The following WEE2 variants were observed in gnomAD, a reference collection of about 807,000 sequenced individuals.
The protein encoded by WEE2 is WEE2 oocyte meiosis inhibiting kinase, also known as wee1-like protein kinase 2.
In WEE2, 50 loss-of-function variants were observed where a neutral mutation model predicts 60.1. That is an observed-to-expected ratio of 0.83 (90% CI 0.66 to 1.05). WEE2 has a LOEUF of 1.05. WEE2 is among the 50% of genes least tolerant of loss of function. WEE2 has a pLI of 0.00. For synonymous variants in WEE2, 240 were observed against 241.0 expected (o/e 1.00, Z 0.04); for missense variants, 631 against 684.3 (o/e 0.92, Z 0.87).
intron 7 of WEE2, 57 bp from the exon 8 acceptor site, chr7:141,724,133 A>T: frequency 6.3e-7 from 1 of 1,582,350 alleles, no homozygotes. Context: ...TAAGAAAGAC[A>T]TGCTTTTAAA....
Position 141,709,952 on chromosome 7 carries a change from C to G in WEE2, c.342+852C>G, listed in dbSNP as rs140416200. Among the ~76,000 whole-genome samples the G allele has an allele frequency of 5.4e-3, 827 of 152,262 alleles. 6 individuals are homozygous for G. The highest frequency in any genetic ancestry group is 0.017 in the African/African-American group (692 of 41,534). On this transcript the variant is annotated intron_variant, in intron 1 of 11. Coordinates refer to ENST00000397541, the MANE Select transcript of WEE2 (RefSeq NM_001105558.1). ...TTCAGCCTGAGGCACTTAAGATCATCATAATAACATCTGTGATCCTGACTG... is the reference window on the plus strand; with the variant it reads ...TTCAGCCTGAGGCACTTAAGATCATGATAATAACATCTGTGATCCTGACTG...
At chr7:141,723,332 T>C in intron 6 of WEE2, 52 bp downstream of exon 6, 1 of 1,584,138 alleles carries the variant, frequency 6.3e-7, no homozygotes, top group Non-Finnish European at 8.6e-7. Context: ...CTTTCTATGC[T>C]ATCATCAAAA....
chr7:141,719,111 G>A lies in WEE2; in HGVS notation c.625G>A (p.Glu209Lys), dbSNP rs267601320. The A allele has an allele frequency of 6.2e-7, 1 of 1,613,902 alleles. No individual in the cohort carries two copies. The highest frequency in any genetic ancestry group is 1.3e-5 in the African/African-American group (1 of 74,910). Residue 209 changes from glutamate (E) to lysine (K), a missense_variant, in exon 4 of 12, where the codon GAA (glutamate) becomes AAA (lysine). Transcript: ENST00000397541. Reference protein sequence around the residue: ...LRETNMASRYEKEFLEVEKIG... With the variant: ...LRETNMASRYKKEFLEVEKIG... ...AGAAACCAACATGGCTTCCCGCTAT[G>A]AAAAAGAATTCTTGGAGGTTGAAAA...
intron 10 of WEE2, chr7:141,728,267 A>C (rs1355183135): frequency 6.6e-6 from 1 of 152,226 alleles, no homozygotes; most frequent in African/African-American, 2.4e-5. Context: ...ACAAAAGAAG[A>C]AAATGAAAAA....
At chr7:141,714,673 G>A (rs1334517882) in intron 2 of WEE2, among the ~76,000 whole-genome samples, 1 of 152,184 alleles carries the variant, frequency 6.6e-6, no homozygotes. Context: ...CTTCTATTAG[G>A]AAGTTGAGTG....
At chr7:141,728,318 T>C (rs1799057541) in intron 10 of WEE2, among the ~76,000 whole-genome samples, 1 of 152,248 alleles carries the variant, frequency 6.6e-6, no homozygotes, top group Admixed American at 6.5e-5. Flanking sequence ...CAGCTTCTCT[T>C]GGATATACAG....
chr7:141,729,903 G>A (rs1424075365), intron 11 of WEE2, among the ~76,000 whole-genome samples: 2 of 150,774 alleles, frequency 1.3e-5, no homozygotes, highest in African/African-American at 2.4e-5. Flanking sequence ...AAGGAGAATC[G>A]CTTGAACCCG....
Position 141,730,311 on chromosome 7 carries a change from T to C in WEE2, c.1695T>C (p.Pro565=). ...SSSFTSGERE[P]LH Reference sequence around the variant, plus strand: ...GATGAACAGCAGGAGAGCGTGAGCCTCTGCATTAAAGGAAGAAAAGGAAAA... The same window carrying C: ...GATGAACAGCAGGAGAGCGTGAGCCCCTGCATTAAAGGAAGAAAAGGAAAA... The change falls in exon 12 of 12, where the codon CCT becomes CCC. Residue 565 remains proline, a synonymous_variant. Transcript: ENST00000397541. The C allele has an allele frequency of 6.2e-7, 1 of 1,613,416 alleles. No individual in the cohort carries two copies. The highest frequency in any genetic ancestry group is 8.5e-7 in the Non-Finnish European group (1 of 1,179,690).
chr7:141,730,466 G>A lies in WEE2; in HGVS notation c.*146G>A, dbSNP rs1044536394. 2.2e-5 allele frequency: 15 copies of A among 684,538 alleles called. No individual in the cohort carries two copies. The Admixed American group carries it at 4.4e-4, about 20-fold the overall frequency. The allele number at this position is 684,538 out of a possible 1,614,324, so 42.4% of individuals were successfully genotyped here. ...GTTGAAGTCACAGCTTACAGAAAAT[G>A]TGCCTGGATTTCCACAGCGCTTCCC... On this transcript the variant is annotated 3_prime_UTR_variant, in exon 12 of 12. Coordinates refer to ENST00000397541, the MANE Select transcript of WEE2 (RefSeq NM_001105558.1).
At chr7:141,725,843 T>C (rs183947752) in intron 9 of WEE2, among the ~76,000 whole-genome samples, 178 of 152,314 alleles carry the variant, frequency 1.2e-3, no homozygotes, top group Non-Finnish European at 2.0e-3. Flanking sequence ...TTGACACCTG[T>C]AGTCACAATG....
intron 3 of WEE2, 120 bp downstream of exon 3, chr7:141,716,387 T>G: frequency 1.1e-6 from 1 of 920,274 alleles, no homozygotes; most frequent in East Asian, 2.6e-5. Flanking sequence ...ACCCTCCCTT[T>G]TCTCCTTCCT....
Position 141,726,213 on chromosome 7 carries a change from G to A in WEE2, c.1392+1017G>A, listed in dbSNP as rs74539589. 5.1e-3 allele frequency among the ~76,000 whole-genome samples: 770 copies of A among 152,312 alleles called. 27 individuals carry two copies. The East Asian group carries it at 0.11, about 22-fold the overall frequency. On this transcript the variant is annotated intron_variant, in intron 9 of 11. Transcript: ENST00000397541. ...AAATCATGTCTTAAGGAACAGGATT[G>A]GCTAGGATTCCCAAAACAGCCTTAG...
intron 1 of WEE2, among the ~76,000 whole-genome samples, chr7:141,713,027 T>A (rs1223630413): frequency 6.6e-6 from 1 of 152,278 alleles, no homozygotes; most frequent in East Asian, 1.9e-4. Flanking sequence ...AGCAGCCCTA[T>A]GAACTCCAAG....
intron 10 of WEE2, 119 bp downstream of exon 10, chr7:141,727,565 A>C (rs559329285): frequency 7.6e-7 from 1 of 1,308,274 alleles, no homozygotes; most frequent in South Asian, 1.5e-5. Flanking sequence ...ATTATAATAC[A>C]TAGGTCCCTG....
chr7:141,728,335 A>G (rs1584748128), intron 10 of WEE2, among the ~76,000 whole-genome samples: 1 of 152,352 alleles, frequency 6.6e-6, no homozygotes, highest in East Asian at 1.9e-4. Context: ...ACAGTCATCC[A>G]TCTTGGAAAG....
rs375472528 is a variant in WEE2, at chr7:141,708,945, G to A, written c.187G>A (p.Val63Met). The change falls in exon 1 of 12, where the codon GTG (valine) becomes ATG (methionine). Residue 63 changes from valine (V) to methionine (M), a missense_variant. By Grantham distance (21) the Val-to-Met change is conservative (BLOSUM62 1). Coordinates refer to ENST00000397541, the MANE Select transcript of WEE2 (RefSeq NM_001105558.1). Reference protein sequence around the residue: ...GTPPWTPLSNVHELDTSSEKD... With the variant: ...GTPPWTPLSNMHELDTSSEKD... ...ACCACCTTGGACTCCCCTTAGCAAC[G>A]TGCATGAGCTCGACACATCTTCGGA... The A allele has an allele frequency of 5.8e-5, 93 of 1,614,136 alleles. 2 individuals carry two copies. The South Asian group carries it at 8.5e-4, about 15-fold the overall frequency.
chr7:141,724,774 A>G (rs1798980888), intron 8 of WEE2, among the ~76,000 whole-genome samples: 1 of 152,234 alleles, frequency 6.6e-6, no homozygotes. Context: ...GTTATGTAGC[A>G]AGCCTTTCTG....
chr7:141,720,805 TAGTA>T (rs1338453619), intron 4 of WEE2, 126 bp from the exon 5 acceptor site: 1 of 989,454 alleles, frequency 1.0e-6, no homozygotes, highest in East Asian at 2.4e-5. Context: ...TGAGATAAAA[TAGTA>T]AGCAAGCAGT....
At chr7:141,714,461 TAAG>T in intron 2 of WEE2, 56 bp downstream of exon 2, 2 of 1,337,974 alleles carry the variant, frequency 1.5e-6, no homozygotes, top group Non-Finnish European at 2.1e-6. Context: ...AGTCAAGTAG[TAAG>T]AAGTGAGTGT....
Sources: allele counts gnomAD v4.1 joint callset (sites outside exome capture counted in the v4.1 genomes callset), GRCh38; gene constraint gnomAD v4.1.1; transcripts MANE v1.5; gene names NCBI Gene and HGNC (gene_info 2026-07-23, HGNC 2026-07-21).